MTDH: variants seen among roughly 807,000 people sequenced by gnomAD.
MTDH encodes protein LYRIC.
Under a neutral mutation model 72.7 loss-of-function variants are expected in MTDH, and 34 were observed. The observed-to-expected ratio is 0.47, with a 90% CI of 0.36 to 0.62. The LOEUF (loss-of-function observed/expected upper bound fraction) is 0.62. MTDH is among the 20% of genes least tolerant of loss of function. The probability of loss-of-function intolerance (pLI) is 0.00; values close to 1 mark genes in which losing one functional copy is unlikely to be tolerated. For missense variants in MTDH, 677 were observed against 699.4 expected (o/e 0.97, Z 0.36); for synonymous variants, 266 against 268.9 (o/e 0.99, Z 0.10).
intron 1 of MTDH, among the ~76,000 whole-genome samples, chr8:97,654,350 A>G (rs1434788778): frequency 6.6e-6 from 1 of 152,202 alleles, no homozygotes; most frequent in Non-Finnish European, 1.5e-5. Flanking sequence ...CAAACTGACA[A>G]GAAATTGTTC....
intron 6 of MTDH, among the ~76,000 whole-genome samples, chr8:97,692,688 A>G (rs570495926): frequency 6.6e-6 from 1 of 151,544 alleles, no homozygotes; most frequent in African/African-American, 2.4e-5. Flanking sequence ...CCTTTTTTTA[A>G]CCATTGTAGA....
chr8:97,713,385 T>C (rs1185922620), intron 8 of MTDH, among the ~76,000 whole-genome samples: 1 of 152,202 alleles, frequency 6.6e-6, no homozygotes, highest in Non-Finnish European at 1.5e-5. Context: ...GTGCCCAGCC[T>C]CAGTGAGTTT....
intron 6 of MTDH, among the ~76,000 whole-genome samples, chr8:97,697,591 T>C (rs771527945): frequency 6.6e-6 from 1 of 152,036 alleles, no homozygotes; most frequent in Non-Finnish European, 1.5e-5. Flanking sequence ...TTTACCGTGT[T>C]AGCCAGGATG....
rs573475402 is a variant in MTDH at position 97,693,534 on chromosome 8, G to C, written c.1048+2346G>C. 4.6e-5 allele frequency among the ~76,000 whole-genome samples: 7 copies of C among 152,060 alleles called. 1 individual carries two copies. In the South Asian group the frequency reaches 1.5e-3, roughly 32 times the overall value. ...CTTTTAGTAGAGACAGGCCATGTTGGCCAGGCTGGTCTCAAACTCCTGACC... is the reference window on the plus strand; with the variant it reads ...CTTTTAGTAGAGACAGGCCATGTTGCCCAGGCTGGTCTCAAACTCCTGACC... On this transcript the variant is annotated intron_variant, in intron 6 of 11. Coordinates refer to ENST00000336273, the MANE Select transcript of MTDH (RefSeq NM_178812.4).
intron 5 of MTDH, among the ~76,000 whole-genome samples, chr8:97,690,324 A>C (rs62521696): frequency 0.2 from 30,411 of 152,048 alleles, 3,314 homozygotes; most frequent in East Asian, 0.33. Flanking sequence ...TGTTCTTAGC[A>C]CTGTCAGCTT....
At chr8:97,713,396 T>G (rs190808890) in intron 8 of MTDH, among the ~76,000 whole-genome samples, 4 of 152,314 alleles carry the variant, frequency 2.6e-5, no homozygotes, top group African/African-American at 9.6e-5. Context: ...CAGTGAGTTT[T>G]TAAAACACTA....
At chr8:97,706,427 A>C (rs1814353868) in intron 7 of MTDH, 199 bp from the exon 8 acceptor site, 1 of 340,050 alleles carries the variant, frequency 2.9e-6, no homozygotes, top group Non-Finnish European at 5.2e-6. Flanking sequence ...AATTCCATTT[A>C]ACCATATGAT....
intron 1 of MTDH, among the ~76,000 whole-genome samples, chr8:97,647,974 A>T (rs1182621117): frequency 6.6e-6 from 1 of 151,560 alleles, no homozygotes; most frequent in Non-Finnish European, 1.5e-5. Context: ...AAGCTTGTAG[A>T]TTCCTGATCT....
In MTDH at chr8:97,727,528, A is replaced by G. The variant is rs2131102385; in HGVS notation, c.*2858A>G. On this transcript the variant is annotated 3_prime_UTR_variant, in exon 12 of 12. Transcript: ENST00000336273. Reference sequence around the variant, plus strand: ...AAAAGTTTCTGGCACCTGAACAGGAACTGGTTTCCATCATCAACTCAGAAA... The same window carrying G: ...AAAAGTTTCTGGCACCTGAACAGGAGCTGGTTTCCATCATCAACTCAGAAA... 1 of 151,546 alleles carries G rather than the reference A, an allele frequency of 6.6e-6. No homozygotes were observed. The highest frequency in any genetic ancestry group is 1.9e-4 in the East Asian group (1 of 5,146). The allele number at this position is 151,546 out of a possible 1,614,324, so 9.4% of individuals were successfully genotyped here. A position where few individuals can be genotyped will look rare whatever the true frequency, so the allele number is the denominator to read the frequency against.
chr8:97,663,444 T>C lies in MTDH; in HGVS notation c.483+2271T>C, dbSNP rs1034292069. Among the ~76,000 whole-genome samples the C allele has an allele frequency of 2.6e-5, 4 of 152,266 alleles. No homozygotes were observed. In the South Asian group the frequency reaches 6.2e-4, roughly 24 times the overall value. On this transcript the variant is annotated intron_variant, in intron 2 of 11. Coordinates refer to ENST00000336273, the MANE Select transcript of MTDH (RefSeq NM_178812.4). Reference sequence around the variant, plus strand: ...CAGCTTATTGAGTACTTACTAGATATACTTTTAAGACTTTATGGTTGTTGC... The same window carrying C: ...CAGCTTATTGAGTACTTACTAGATACACTTTTAAGACTTTATGGTTGTTGC...
In MTDH at chr8:97,725,237, A is replaced by T. The variant is rs1815308448; in HGVS notation, c.*567A>T. The T allele has an allele frequency of 6.5e-6, 1 of 152,678 alleles. No individual in the cohort carries two copies. The highest frequency in any genetic ancestry group is 2.1e-4 in the South Asian group (1 of 4,838). 9.5% of individuals were successfully genotyped at this position (152,678 alleles called of 1,614,324 possible). On this transcript the variant is annotated 3_prime_UTR_variant, in exon 12 of 12. Coordinates refer to ENST00000336273, the MANE Select transcript of MTDH (RefSeq NM_178812.4). ...TAACTAAACTGTCATGGTTTAGTTTACAATTTTTAAAAAGTTCTTAAAATA... is the reference window on the plus strand; with the variant it reads ...TAACTAAACTGTCATGGTTTAGTTTTCAATTTTTAAAAAGTTCTTAAAATA...
chr8:97,700,590 GTAA>G (rs762144232), intron 7 of MTDH, among the ~76,000 whole-genome samples: 75 of 152,282 alleles, frequency 4.9e-4, no homozygotes, highest in Non-Finnish European at 7.6e-4. Flanking sequence ...GTGTTCGGTG[GTAA>G]TAATAATGAC....
intron 2 of MTDH, among the ~76,000 whole-genome samples, chr8:97,672,864 A>C (rs944958225): frequency 1.2e-4 from 18 of 152,164 alleles, no homozygotes; most frequent in Non-Finnish European, 2.2e-4. Context: ...TAGGATTGTG[A>C]GTTTAGCCAT....
chr8:97,720,589 ATATT>A (rs200396258), intron 10 of MTDH, among the ~76,000 whole-genome samples: 3 of 148,628 alleles, frequency 2.0e-5, no homozygotes, highest in Non-Finnish European at 1.5e-5. Flanking sequence ...GAATATATAT[ATATT>A]TATTTATTTA....
chr8:97,722,021 T>C (rs1815148233), intron 10 of MTDH, among the ~76,000 whole-genome samples: 1 of 152,216 alleles, frequency 6.6e-6, no homozygotes, highest in African/African-American at 2.4e-5. Flanking sequence ...GTTCAGAAGT[T>C]AGCTATTTTC....
chr8:97,655,024 G>A (rs904734538), intron 1 of MTDH, among the ~76,000 whole-genome samples: 1 of 149,864 alleles, frequency 6.7e-6, no homozygotes, highest in Admixed American at 6.6e-5. Flanking sequence ...CCTGGGAGGC[G>A]GAGGTTGCAG....
At chr8:97,661,967 A>T (rs1812188459) in intron 2 of MTDH, among the ~76,000 whole-genome samples, 1 of 151,234 alleles carries the variant, frequency 6.6e-6, no homozygotes, top group African/African-American at 2.4e-5. Context: ...TTTGATTTGG[A>T]TGTGAGATTT....
Position 97,648,417 on chromosome 8 carries a change from C to T in MTDH, c.381+3530C>T, listed in dbSNP as rs575956891. Among the ~76,000 whole-genome samples, 4 of 151,868 alleles carry T rather than the reference C, an allele frequency of 2.6e-5. 1 individual carries two copies. In the South Asian group the frequency reaches 8.3e-4, roughly 32 times the overall value. On this transcript the variant is annotated intron_variant, in intron 1 of 11. Transcript: ENST00000336273. ...ATGACTTAGATTGAAGTGAAGTCTG[C>T]GAAAACTGGTCTGTAACAATTGGCT...
chr8:97,708,049 A>G (rs1563562424), intron 8 of MTDH, among the ~76,000 whole-genome samples: 2 of 151,634 alleles, frequency 1.3e-5, no homozygotes, highest in East Asian at 1.9e-4. Context: ...GCTCACTGCA[A>G]TCTCTGCCTC....
Sources: gnomAD v4.1 joint callset for allele counts (sites outside exome capture counted in the v4.1 genomes callset) on GRCh38, gnomAD v4.1.1 for gene constraint, MANE v1.5 for transcripts, NCBI Gene and HGNC (gene_info 2026-07-23, HGNC 2026-07-21) for gene names.